Variants in TSC22D2 observed in about 807,000 individuals in gnomAD.
TSC22D2 encodes TSC22 domain family protein 2.
Under a neutral mutation model 50.1 loss-of-function variants are expected in TSC22D2, and 5 were observed. The ratio of observed to expected loss-of-function variants is 0.10; its 90% confidence interval spans 0.05 to 0.21. The LOEUF (loss-of-function observed/expected upper bound fraction) is 0.21. Ranked by LOEUF, TSC22D2 falls within the 10% of genes least tolerant of loss-of-function variation. The pLI is 1.00. For synonymous variants in TSC22D2, 501 were observed against 450.1 expected (o/e 1.11, Z -1.43); for missense variants, 1,003 against 1,015.5 (o/e 0.99, Z 0.17).
rs1187939727 is a variant in TSC22D2, at chr3:150,462,128, A to G, written c.*3492A>G. The G allele has an allele frequency of 1.3e-5, 2 of 152,134 alleles. No homozygotes were observed. Among genetic ancestry groups the G allele is most frequent in the Non-Finnish European group, 2.9e-5 (2 of 68,016 alleles). The allele number at this position is 152,134 out of a possible 1,614,324, so 9.4% of individuals were successfully genotyped here. On this transcript the variant is annotated 3_prime_UTR_variant, in exon 3 of 3. Transcript: ENST00000688009. ...TACTTGTTACTATGTACAGTCAGGG[A>G]TGGTTTTGTCAGGGTAGGTTTCCTC... is the stretch of plus-strand genomic sequence containing the variant.
At chr3:150,447,893 T>C (rs551281559) in intron 1 of TSC22D2, among the ~76,000 whole-genome samples, 4 of 152,232 alleles carry the variant, frequency 2.6e-5, no homozygotes, top group African/African-American at 9.6e-5. Flanking sequence ...GCAGGTATTA[T>C]AGTGTCGAGT....
chr3:150,415,081 C>T (rs751880963), intron 1 of TSC22D2, among the ~76,000 whole-genome samples: 8 of 151,814 alleles, frequency 5.3e-5, no homozygotes, highest in Non-Finnish European at 1.2e-4. Flanking sequence ...ATGTATTCAT[C>T]AGGGATTACT....
At chr3:150,431,248 AAAAG>A (rs1375599672) in intron 1 of TSC22D2, among the ~76,000 whole-genome samples, 77 of 150,508 alleles carry the variant, frequency 5.1e-4, no homozygotes, top group Non-Finnish European at 1.1e-3. Context: ...AAAAAAAAAA[AAAAG>A]AGTAGATAGG....
At chr3:150,415,160 A>C (rs962107028) in intron 1 of TSC22D2, among the ~76,000 whole-genome samples, 1 of 152,162 alleles carries the variant, frequency 6.6e-6, no homozygotes, top group Non-Finnish European at 1.5e-5. Context: ...AAGAAATGAC[A>C]GATTTCCAAA....
In TSC22D2 at chr3:150,458,846, CAAG is replaced by C; in HGVS notation, c.*211_*213del. ...TGTCCAGTTCTATGTCATCAGTACA[CAAG>C]GAGAATAATAGATGGGGTTTATTAA... is the stretch of plus-strand genomic sequence containing the variant. On this transcript the variant is annotated 3_prime_UTR_variant, in exon 3 of 3. Coordinates refer to ENST00000688009, the MANE Select transcript of TSC22D2 (RefSeq NM_001303264.2). The C allele has an allele frequency of 1.7e-6, 1 of 573,354 alleles. No individual in the cohort carries two copies. The highest frequency in any genetic ancestry group is 2.8e-5 in the South Asian group (1 of 36,308). 35.5% of individuals were successfully genotyped at this position (573,354 alleles called of 1,614,324 possible). A position where few individuals can be genotyped will look rare whatever the true frequency, so the allele number is the denominator to read the frequency against.
At chr3:150,451,274 A>C (rs1346835667) in intron 1 of TSC22D2, among the ~76,000 whole-genome samples, 1 of 152,186 alleles carries the variant, frequency 6.6e-6, no homozygotes, top group Non-Finnish European at 1.5e-5. Context: ...GATACATAAA[A>C]TTTTTAAGGC....
chr3:150,424,293 A>C (rs1303565650), intron 1 of TSC22D2, among the ~76,000 whole-genome samples: 1 of 152,200 alleles, frequency 6.6e-6, no homozygotes, highest in Non-Finnish European at 1.5e-5. Flanking sequence ...TTAATCTTTC[A>C]AATAGTTTTC....
chr3:150,439,712 A>G (rs940389928), intron 1 of TSC22D2, among the ~76,000 whole-genome samples: 1 of 152,246 alleles, frequency 6.6e-6, no homozygotes, highest in Admixed American at 6.5e-5. Context: ...TCATCTGTCA[A>G]AAACAGTTAA....
At chr3:150,434,802 A>T (rs953950344) in intron 1 of TSC22D2, among the ~76,000 whole-genome samples, 4 of 152,084 alleles carry the variant, frequency 2.6e-5, no homozygotes, top group Non-Finnish European at 5.9e-5. Flanking sequence ...GTGTATATAC[A>T]TGTACTTATG....
intron 1 of TSC22D2, among the ~76,000 whole-genome samples, chr3:150,426,737 G>A (rs1216984225): frequency 6.6e-6 from 1 of 152,092 alleles, no homozygotes; most frequent in African/African-American, 2.4e-5. Flanking sequence ...CCAGTATTTA[G>A]AGAGAAGTTA....
rs1721520532 is a variant in TSC22D2, at chr3:150,465,443, A to C, written c.*6807A>C. ...AAAGGGTGTGGAAAAACAGGAATAC[A>C]TTGCTAGTGAGCATACAAATTGGCA... On this transcript the variant is annotated 3_prime_UTR_variant, in exon 3 of 3. Transcript: ENST00000688009. 1 of 152,204 alleles carries C rather than the reference A, an allele frequency of 6.6e-6. No individual in the cohort carries two copies. The highest frequency in any genetic ancestry group is 1.5e-5 in the Non-Finnish European group (1 of 68,022). 9.4% of individuals were successfully genotyped at this position (152,204 alleles called of 1,614,324 possible). A position where few individuals can be genotyped will look rare whatever the true frequency, so the allele number is the denominator to read the frequency against.
At chr3:150,420,262 A>C (rs1719961683) in intron 1 of TSC22D2, among the ~76,000 whole-genome samples, 1 of 152,204 alleles carries the variant, frequency 6.6e-6, no homozygotes, top group African/African-American at 2.4e-5. Flanking sequence ...TCTGTTAGTC[A>C]GTGTTTGGAG....
At chr3:150,445,227 C>T (rs1387025704) in intron 1 of TSC22D2, among the ~76,000 whole-genome samples, 5 of 151,524 alleles carry the variant, frequency 3.3e-5, no homozygotes, top group South Asian at 2.1e-4. Context: ...ACAGGAGAAT[C>T]GCTTGAACCC....
intron 1 of TSC22D2, among the ~76,000 whole-genome samples, chr3:150,447,301 A>T (rs1373435700): frequency 6.6e-6 from 1 of 152,170 alleles, no homozygotes; most frequent in East Asian, 1.9e-4. Flanking sequence ...GACTCTTTAC[A>T]TGTTAGTGTT....
chr3:150,456,000 G>A (rs181337474), intron 1 of TSC22D2, among the ~76,000 whole-genome samples: 22 of 152,122 alleles, frequency 1.4e-4, no homozygotes, highest in Non-Finnish European at 2.2e-4. Flanking sequence ...AGCCTTCTGT[G>A]TTATTATCAT....
chr3:150,409,547 G>C lies in TSC22D2; in HGVS notation c.197G>C (p.Ser66Thr). Residue 66 changes from serine to threonine, a missense_variant, in exon 1 of 3, where the codon AGC becomes ACC. Ser to Thr is a moderately conservative substitution (Grantham distance 58). This residue lies in a region of TSC22D2 where 200 missense variants were observed against 182.8 expected (regional missense o/e 1.09). Transcript: ENST00000688009. This position sits in a 1 kb window ranked among gnomAD's most constrained non-coding sequence, Gnocchi z 7.4. The stretch of plus-strand genomic sequence containing the variant: ...GGCCCTGAGGAGGTCTGCGAGCGCA[G>C]CTCTTCCGAAGAGACGCTTAACAAT... ...DYGPEEVCER[S>T]SSEETLNNVG... 2 of 1,605,254 alleles carry C rather than the reference G, an allele frequency of 1.2e-6. No individual in the cohort carries two copies. The highest frequency in any genetic ancestry group is 1.7e-6 in the Non-Finnish European group (2 of 1,173,210).
intron 1 of TSC22D2, among the ~76,000 whole-genome samples, chr3:150,449,304 A>G (rs965509357): frequency 2.6e-5 from 4 of 152,148 alleles, no homozygotes; most frequent in Admixed American, 2.6e-4. Flanking sequence ...TAACTCCTTC[A>G]TGAGTCATTT....
At chr3:150,437,700 C>T (rs1400608567) in intron 1 of TSC22D2, among the ~76,000 whole-genome samples, 4 of 151,816 alleles carry the variant, frequency 2.6e-5, no homozygotes, top group African/African-American at 7.3e-5. Context: ...CCCACCTACT[C>T]GGGAGGCTGA....
chr3:150,430,304 G>C (rs1477561352), intron 1 of TSC22D2, among the ~76,000 whole-genome samples: 1 of 152,138 alleles, frequency 6.6e-6, no homozygotes, highest in Non-Finnish European at 1.5e-5. Context: ...TAAGGATAAA[G>C]TTAAATTTGG....
Sources: gnomAD v4.1 joint callset for allele counts (sites outside exome capture counted in the v4.1 genomes callset) on GRCh38, gnomAD v4.1.1 for gene constraint, gnomAD v4.1.1 regional missense constraint, Gnocchi (gnomAD v3.1) non-coding constraint, MANE v1.5 for transcripts, NCBI Gene and HGNC (gene_info 2026-07-23, HGNC 2026-07-21) for gene names.